NRG3: variants seen among roughly 807,000 people sequenced by gnomAD.
NRG3 encodes the protein neuregulin 3.
In NRG3, 31 loss-of-function variants were observed where a neutral mutation model predicts 66.9. The observed-to-expected ratio is 0.46, with a 90% CI of 0.35 to 0.63. The LOEUF is 0.63. Ranked by LOEUF, NRG3 falls within the 20% of genes least tolerant of loss-of-function variation. The pLI is 0.00. For synonymous variants in NRG3, 393 were observed against 359.4 expected, an observed-to-expected ratio of 1.09 and a Z score of -1.06; for missense variants, 910 against 878.9, an observed-to-expected ratio of 1.04 and a Z score of -0.45.
chr10:82,662,770 C>T (rs2052467268), intron 2 of NRG3, among the ~76,000 whole-genome samples: 1 of 152,120 alleles, frequency 6.6e-6, no homozygotes, highest in Non-Finnish European at 1.5e-5. Context: ...GTACATCTCT[C>T]CCTCAAATAA....
At position 82,718,291 on chromosome 10, in the gene NRG3, A is replaced by T. The variant is rs183617204; in HGVS notation, c.954-20286A>T. Among the ~76,000 whole-genome samples the T allele has an allele frequency of 6.6e-5, 10 of 152,250 alleles. No homozygotes were observed. The East Asian group carries it at 1.9e-3, about 29-fold the overall frequency. ...CTTCTGACTCTTTCTTCACCTGTGC[A>T]ATCAATTGTCTTTATTAAAAGATAC... On this transcript the variant is annotated intron_variant, in intron 2 of 8. Transcript: ENST00000372141.
At chr10:82,574,848 A>G (rs960176641) in intron 2 of NRG3, among the ~76,000 whole-genome samples, 1 of 151,782 alleles carries the variant, frequency 6.6e-6, no homozygotes, top group African/African-American at 2.4e-5. Flanking sequence ...AATATCGCAC[A>G]ATGTCATTTA....
At chr10:82,768,966 C>A (rs1352531712) in intron 3 of NRG3, among the ~76,000 whole-genome samples, 3 of 152,182 alleles carry the variant, frequency 2.0e-5, no homozygotes, top group Admixed American at 1.3e-4. Context: ...ATTTAAGATT[C>A]TATACGCTTT....
At chr10:82,903,528 T>C (rs1564617850) in intron 4 of NRG3, among the ~76,000 whole-genome samples, 1 of 152,092 alleles carries the variant, frequency 6.6e-6, no homozygotes, top group East Asian at 1.9e-4. Context: ...TACCGTGGAT[T>C]GAGGCCTGCA....
At chr10:82,268,792 G>C (rs2134284944) in intron 1 of NRG3, among the ~76,000 whole-genome samples, 1 of 152,132 alleles carries the variant, frequency 6.6e-6, no homozygotes, top group East Asian at 1.9e-4. Context: ...GGGGTAATGG[G>C]GGATAGATGG....
intron 1 of NRG3, among the ~76,000 whole-genome samples, chr10:82,039,503 A>C (rs2062935430): frequency 6.6e-6 from 1 of 152,100 alleles, no homozygotes; most frequent in African/African-American, 2.4e-5. Context: ...GTGGCATTTT[A>C]AAATTTCAGT....
chr10:82,803,246 A>C (rs1157206546), intron 3 of NRG3, among the ~76,000 whole-genome samples: 1 of 152,160 alleles, frequency 6.6e-6, no homozygotes, highest in Non-Finnish European at 1.5e-5. Flanking sequence ...TGACAGGGGC[A>C]GTAGAAAACT....
chr10:82,097,018 GTAAC>G (rs2066392626), intron 1 of NRG3, among the ~76,000 whole-genome samples: 1 of 152,078 alleles, frequency 6.6e-6, no homozygotes, highest in Non-Finnish European at 1.5e-5. Flanking sequence ...AATGCATAGA[GTAAC>G]TACCACCACG....
intron 1 of NRG3, among the ~76,000 whole-genome samples, chr10:82,025,674 C>T (rs376446477): frequency 3.9e-5 from 6 of 151,934 alleles, no homozygotes; most frequent in South Asian, 4.1e-4. Flanking sequence ...TTTTGGTTGA[C>T]GAGTGAGAAA....
intron 1 of NRG3, among the ~76,000 whole-genome samples, chr10:82,001,814 G>C (rs1350725937): frequency 6.6e-6 from 1 of 152,128 alleles, no homozygotes; most frequent in Non-Finnish European, 1.5e-5. Context: ...TTTCATATAG[G>C]ATCTGCGTTC....
chr10:82,845,544 AG>A (rs2063271232), intron 3 of NRG3, among the ~76,000 whole-genome samples: 1 of 152,160 alleles, frequency 6.6e-6, no homozygotes, highest in Non-Finnish European at 1.5e-5. Flanking sequence ...CAAAAAAAAA[AG>A]GGTGTAGATG....
chr10:82,584,704 T>C (rs1182689598), intron 2 of NRG3, among the ~76,000 whole-genome samples: 1 of 152,150 alleles, frequency 6.6e-6, no homozygotes, highest in Non-Finnish European at 1.5e-5. Flanking sequence ...AATCAAAACA[T>C]AATTTGTTAC....
chr10:82,329,759 C>A (rs1168927103), intron 1 of NRG3, among the ~76,000 whole-genome samples: 1 of 152,134 alleles, frequency 6.6e-6, no homozygotes, highest in Non-Finnish European at 1.5e-5. Flanking sequence ...TCACTTAAAT[C>A]CCCTTCCAAA....
intron 1 of NRG3, among the ~76,000 whole-genome samples, chr10:82,321,716 C>T (rs2081589096): frequency 6.6e-6 from 1 of 152,190 alleles, no homozygotes; most frequent in South Asian, 2.1e-4. Flanking sequence ...AGCATGTATG[C>T]ATAGCTCATA....
At chr10:82,341,298 C>G (rs2082676061) in intron 1 of NRG3, among the ~76,000 whole-genome samples, 1 of 151,850 alleles carries the variant, frequency 6.6e-6, no homozygotes, top group Non-Finnish European at 1.5e-5. Flanking sequence ...TAAAAGAGTC[C>G]AAAACTCAGC....
chr10:82,432,511 A>G (rs1164453071), intron 2 of NRG3, among the ~76,000 whole-genome samples: 9 of 151,890 alleles, frequency 5.9e-5, no homozygotes, highest in Non-Finnish European at 1.3e-4. Flanking sequence ...AAAAAAAAAA[A>G]AAACAGGATA....
intron 1 of NRG3, among the ~76,000 whole-genome samples, chr10:81,949,784 G>T (rs1424306955): frequency 1.3e-5 from 2 of 152,176 alleles, no homozygotes; most frequent in African/African-American, 4.8e-5. Context: ...CACTTGTGGA[G>T]ATATTCAGAA....
At chr10:82,899,125 G>A (rs911197521) in intron 4 of NRG3, among the ~76,000 whole-genome samples, 28 of 151,928 alleles carry the variant, frequency 1.8e-4, no homozygotes, top group African/African-American at 5.3e-4. Flanking sequence ...TATTCATAGG[G>A]TCCCTACAAG....
At position 81,875,863 on chromosome 10, in the gene NRG3, A is replaced by C. The variant is rs1841578078; in HGVS notation, c.523A>C (p.Ile175Leu). The C allele has an allele frequency of 5.0e-6, 8 of 1,610,420 alleles. No individual in the cohort carries two copies. The highest frequency in any genetic ancestry group is 5.9e-6 in the Non-Finnish European group (7 of 1,179,714). The stretch of plus-strand genomic sequence containing the variant: ...TCGCTTCCCCGGGCACCGGGTGCCC[A>C]TCCGGGCCAGCCCGCGCTCCACCAC... Reference protein sequence around the residue: ...PTRFPGHRVPIRASPRSTTAR... With the variant: ...PTRFPGHRVPLRASPRSTTAR... Residue 175 changes from isoleucine (I) to leucine (L), a missense_variant, in exon 1 of 9, where the codon ATC becomes CTC. Transcript: ENST00000372141. This position sits in a 1 kb window ranked among gnomAD's most constrained non-coding sequence, Gnocchi z 5.3.
Sources: gnomAD v4.1 joint callset for allele counts (sites outside exome capture counted in the v4.1 genomes callset) on GRCh38, gnomAD v4.1.1 for gene constraint, Gnocchi (gnomAD v3.1) non-coding constraint, MANE v1.5 for transcripts, NCBI Gene and HGNC (gene_info 2026-07-23, HGNC 2026-07-21) for gene names.